LIN54: variants seen among roughly 807,000 people sequenced by gnomAD.
LIN54 encodes the protein protein lin-54 homolog.
In LIN54, 9 loss-of-function variants were observed where a neutral mutation model predicts 78.7. The observed-to-expected ratio is 0.11, with a 90% confidence interval of 0.07 to 0.20. The LOEUF is 0.20. Ranked by LOEUF, LIN54 falls within the 10% of genes least tolerant of loss-of-function variation. LIN54 has a pLI of 1.00. For synonymous variants in LIN54, 269 were observed against 318.4 expected, an observed-to-expected ratio of 0.84 and a Z score of 1.65; for missense variants, 573 against 889.9, an observed-to-expected ratio of 0.64 and a Z score of 4.53.
At chr4:82,928,516 G>A (rs896896179) in intron 12 of LIN54, among the ~76,000 whole-genome samples, 8 of 152,252 alleles carry the variant, frequency 5.3e-5, no homozygotes, top group Non-Finnish European at 1.0e-4. Context: ...TATTGTTCAG[G>A]AAATTTAACA....
intron 11 of LIN54, among the ~76,000 whole-genome samples, chr4:82,932,833 T>A (rs28539166): frequency 0.22 from 32,664 of 151,246 alleles, 3,827 homozygotes; most frequent in South Asian, 0.31. Flanking sequence ...CTCAAAAAAA[T>A]ATATATATAT....
chr4:82,932,095 T>A (rs915254079), intron 11 of LIN54, among the ~76,000 whole-genome samples: 3 of 146,180 alleles, frequency 2.1e-5, no homozygotes, highest in African/African-American at 7.5e-5. Context: ...TATTTTAATT[T>A]TTTTTTTTTT....
At chr4:82,930,574 G>A (rs1305974989) in intron 12 of LIN54, among the ~76,000 whole-genome samples, 2 of 152,170 alleles carry the variant, frequency 1.3e-5, no homozygotes, top group Non-Finnish European at 2.9e-5. Flanking sequence ...AATAGGATGG[G>A]AAAAGTGCTC....
intron 12 of LIN54, 106 bp from the exon 13 acceptor site, chr4:82,928,409 C>T: frequency 1.1e-6 from 1 of 870,072 alleles, no homozygotes; most frequent in Non-Finnish European, 1.9e-6. Context: ...CACAATTCAC[C>T]AGCAGGATGA....
intron 1 of LIN54, among the ~76,000 whole-genome samples, chr4:82,996,086 G>A (rs553776896): frequency 1.1e-4 from 17 of 151,900 alleles, no homozygotes; most frequent in African/African-American, 3.6e-4. Context: ...CGGAGGTTGC[G>A]GTGAGCCGAA....
chr4:82,956,353 T>TAAA (rs11464761), intron 4 of LIN54, among the ~76,000 whole-genome samples: 3 of 128,842 alleles, frequency 2.3e-5, no homozygotes, highest in Non-Finnish European at 1.6e-5. Context: ...CCGTCTCAAC[T>TAAA]AAAAAAAAAA....
chr4:82,996,574 T>G (rs767778333), intron 1 of LIN54, among the ~76,000 whole-genome samples: 3 of 151,880 alleles, frequency 2.0e-5, no homozygotes, highest in Non-Finnish European at 4.4e-5. Context: ...CCTGGCTAAT[T>G]TTTGTATTTT....
intron 2 of LIN54, among the ~76,000 whole-genome samples, chr4:82,979,441 A>T (rs1050112512): frequency 7.9e-5 from 12 of 152,306 alleles, no homozygotes; most frequent in Admixed American, 6.5e-4. Flanking sequence ...TGCAAAATAT[A>T]AATAAATACA....
In LIN54 at chr4:82,979,008, T is replaced by C; in HGVS notation, c.685-2A>G. 6.4e-7 allele frequency: 1 copy of C among 1,572,896 alleles called. No homozygotes were observed. The highest frequency in any genetic ancestry group is 8.7e-7 in the Non-Finnish European group (1 of 1,152,154). ...TGGCGTTCGAGGCTTCTTAGCAATC[T>C]GAAACATATAAATAACTATGAAGAC... On this transcript the variant is annotated splice_acceptor_variant, in intron 2 of 12. Transcript: ENST00000340417. LOFTEE classifies it high-confidence loss of function.
In LIN54 at chr4:82,935,268, A is replaced by G. The variant is rs1722305823; in HGVS notation, c.1845+713T>C. Among the ~76,000 whole-genome samples the G allele has an allele frequency of 2.7e-5, 4 of 147,766 alleles. No individual in the cohort carries two copies. In the South Asian group the frequency reaches 8.4e-4, roughly 31 times the overall value. On this transcript the variant is annotated intron_variant, in intron 11 of 12. Coordinates refer to ENST00000340417, the MANE Select transcript of LIN54 (RefSeq NM_194282.4). Reference sequence around the variant, plus strand: ...CAGGCTATTTTGTATCCATATATATATATATATTTATATATTTATAATATA... The same window carrying G: ...CAGGCTATTTTGTATCCATATATATGTATATATTTATATATTTATAATATA...
At chr4:82,971,512 T>G (rs2126071994) in intron 3 of LIN54, among the ~76,000 whole-genome samples, 1 of 151,526 alleles carries the variant, frequency 6.6e-6, no homozygotes, top group Non-Finnish European at 1.5e-5. Context: ...GATAATCAAT[T>G]TTTAAATTTT....
chr4:82,974,680 T>C (rs1372924513), intron 3 of LIN54, among the ~76,000 whole-genome samples: 1 of 152,070 alleles, frequency 6.6e-6, no homozygotes, highest in East Asian at 1.9e-4. Flanking sequence ...GAGGTTGCAG[T>C]GAGCCACGAT....
rs941200835 is a variant in LIN54 at position 83,010,491 on chromosome 4, G to T, written c.-40C>A. ...TACCCCATCCTCCTCTACCTCCAGC[G>T]GCTGCCGCTTTCTCCTCCCTCGGGC... On this transcript the variant is annotated 5_prime_UTR_variant, in exon 1 of 13. Coordinates refer to ENST00000340417, the MANE Select transcript of LIN54 (RefSeq NM_194282.4). The T allele has an allele frequency of 3.1e-5, 32 of 1,018,110 alleles. No individual in the cohort carries two copies. Among genetic ancestry groups the T allele is most frequent in the South Asian group, 4.8e-5 (1 of 20,972 alleles). The allele number at this position is 1,018,110 out of a possible 1,614,324, so 63.1% of individuals were successfully genotyped here. A position where few individuals can be genotyped will look rare whatever the true frequency, so the allele number is the denominator to read the frequency against.
intron 4 of LIN54, among the ~76,000 whole-genome samples, chr4:82,960,081 A>G (rs565303832): frequency 3.3e-5 from 5 of 152,344 alleles, no homozygotes; most frequent in African/African-American, 4.8e-5. Context: ...ACCAAAACAT[A>G]TCAAATGATA....
At chr4:83,007,139 C>CA (rs1409444168) in intron 1 of LIN54, among the ~76,000 whole-genome samples, 1 of 151,338 alleles carries the variant, frequency 6.6e-6, no homozygotes, top group Non-Finnish European at 1.5e-5. Flanking sequence ...AACTCCGTCT[C>CA]AAAAAACAAA....
chr4:82,958,590 C>A (rs1056698493), intron 4 of LIN54, among the ~76,000 whole-genome samples: 1 of 152,094 alleles, frequency 6.6e-6, no homozygotes, highest in Non-Finnish European at 1.5e-5. Flanking sequence ...AAAACTGCTA[C>A]GTTACTTTTT....
rs1005884191 is a variant in LIN54, at chr4:82,926,899, G to A, written c.*1203C>T. On this transcript the variant is annotated 3_prime_UTR_variant, in exon 13 of 13. Coordinates refer to ENST00000340417, the MANE Select transcript of LIN54 (RefSeq NM_194282.4). Reference sequence around the variant, plus strand: ...ACGGCGGCTTATGCCTGTAATCCCAGCACTTTGGGAGGCCGAGGCGGGCGA... The same window carrying A: ...ACGGCGGCTTATGCCTGTAATCCCAACACTTTGGGAGGCCGAGGCGGGCGA... The A allele has an allele frequency of 1.3e-5, 2 of 152,222 alleles. No individual in the cohort carries two copies. Among genetic ancestry groups the A allele is most frequent in the African/African-American group, 4.8e-5 (2 of 41,426 alleles). The allele number at this position is 152,222 out of a possible 1,614,324, so 9.4% of individuals were successfully genotyped here. A position where few individuals can be genotyped will look rare whatever the true frequency, so the allele number is the denominator to read the frequency against.
chr4:82,946,752 A>T lies in LIN54; in HGVS notation c.952-278T>A, dbSNP rs534443549. Among the ~76,000 whole-genome samples, 6 of 152,340 alleles carry T rather than the reference A, an allele frequency of 3.9e-5. No individual in the cohort carries two copies. In the East Asian group the frequency reaches 1.2e-3, roughly 29 times the overall value. Reference sequence around the variant, plus strand: ...AGAAATTATTACTTAATTTGCAAGTACTTACACAACTTTGTTAATATCAGG... The same window carrying T: ...AGAAATTATTACTTAATTTGCAAGTTCTTACACAACTTTGTTAATATCAGG... On this transcript the variant is annotated intron_variant, in intron 4 of 12. Transcript: ENST00000340417.
In LIN54 at chr4:82,945,873, C is replaced by T. The variant is rs369834471; in HGVS notation, c.1168+385G>A. Among the ~76,000 whole-genome samples the T allele has an allele frequency of 5.3e-5, 8 of 152,318 alleles. 1 individual carries two copies. In the East Asian group the frequency reaches 1.5e-3, roughly 29 times the overall value. ...GTGACATTAAGTTCTTTCTTACTTACACCTTGCCTATTTGTCATTTCAACT... is the reference window on the plus strand; with the variant it reads ...GTGACATTAAGTTCTTTCTTACTTATACCTTGCCTATTTGTCATTTCAACT... On this transcript the variant is annotated intron_variant, in intron 5 of 12. Coordinates refer to ENST00000340417, the MANE Select transcript of LIN54 (RefSeq NM_194282.4).
Sources: gnomAD v4.1 joint callset for allele counts (sites outside exome capture counted in the v4.1 genomes callset) on GRCh38, gnomAD v4.1.1 for gene constraint, MANE v1.5 for transcripts, NCBI Gene and HGNC (gene_info 2026-07-23, HGNC 2026-07-21) for gene names.